CTBP2: variants seen among roughly 807,000 people sequenced by gnomAD.
CTBP2 encodes C-terminal-binding protein 2.
Under a neutral mutation model 80.3 loss-of-function variants are expected in CTBP2, and 30 were observed. That is an observed-to-expected ratio of 0.37 (90% CI 0.28 to 0.51). CTBP2 has a LOEUF of 0.51. Ranked by LOEUF, CTBP2 falls within the 20% of genes least tolerant of loss-of-function variation. CTBP2 has a pLI of 0.93. For synonymous variants in CTBP2, 594 were observed against 587.4 expected (o/e 1.01, Z -0.16); for missense variants, 1,212 against 1,375.3 (o/e 0.88, Z 1.88).
intron 1 of CTBP2, chr10:125,006,043 A>G: frequency 7.3e-7 from 1 of 1,373,354 alleles, no homozygotes. Context: ...TCATCAGTGC[A>G]TGGATCCGTT....
intron 1 of CTBP2, among the ~76,000 whole-genome samples, chr10:125,004,940 C>T (rs1481372760): frequency 6.6e-6 from 1 of 152,226 alleles, no homozygotes; most frequent in East Asian, 1.9e-4. Flanking sequence ...CTCAAGGGCT[C>T]TTAGTAGTCC....
intron 2 of CTBP2, among the ~76,000 whole-genome samples, chr10:125,097,804 A>G (rs1395787289): frequency 6.6e-6 from 1 of 152,132 alleles, no homozygotes; most frequent in East Asian, 1.9e-4. Context: ...GTTGAGGTAC[A>G]AGCAGAAGGC....
At chr10:125,159,958 C>CTT (rs537040538) in intron 1 of CTBP2, 49 of 137,052 alleles carry the variant, frequency 3.6e-4, no homozygotes, top group Admixed American at 1.6e-3. Flanking sequence ...CTCGGGGTTT[C>CTT]TTTTTTTTTT....
At chr10:125,153,457 AAAT>A (rs1860364530) in intron 1 of CTBP2, among the ~76,000 whole-genome samples, 1 of 152,224 alleles carries the variant, frequency 6.6e-6, no homozygotes, top group Non-Finnish European at 1.5e-5. Context: ...TCCATCAGCA[AAAT>A]AATAAACTCA....
chr10:125,029,080 A>G (rs1364616261), upstream of CTBP2, among the ~76,000 whole-genome samples: 7 of 152,248 alleles, frequency 4.6e-5, no homozygotes, highest in Non-Finnish European at 1.0e-4. Flanking sequence ...TTAGGAAGCT[A>G]CAAAGGCTGT....
intron 1 of CTBP2, among the ~76,000 whole-genome samples, chr10:125,141,934 C>G (rs567608005): frequency 1.3e-5 from 2 of 152,302 alleles, no homozygotes; most frequent in South Asian, 4.2e-4. Context: ...CACAGTCCCT[C>G]TGGACCTGGA....
intron 2 of CTBP2, among the ~76,000 whole-genome samples, chr10:125,041,960 T>C (rs1170817169): frequency 9.8e-5 from 14 of 143,410 alleles, no homozygotes; most frequent in Non-Finnish European, 1.8e-4. Context: ...CTCCCATGTC[T>C]GGCTTTTTTG....
At chr10:125,134,734 C>T (rs867725476) in intron 1 of CTBP2, among the ~76,000 whole-genome samples, 6 of 152,118 alleles carry the variant, frequency 3.9e-5, no homozygotes, top group East Asian at 1.9e-4. Context: ...GCCACCTCTG[C>T]GGGTCCTTGG....
At chr10:125,018,238 C>A (rs2134520710) in intron 1 of CTBP2, among the ~76,000 whole-genome samples, 1 of 152,294 alleles carries the variant, frequency 6.6e-6, no homozygotes, top group South Asian at 2.1e-4. Flanking sequence ...AAATGCTCCA[C>A]AATAGGCCAG....
intron 1 of CTBP2, among the ~76,000 whole-genome samples, chr10:125,117,003 A>G (rs1853437188): frequency 6.6e-6 from 1 of 152,192 alleles, no homozygotes; most frequent in Non-Finnish European, 1.5e-5. Context: ...ACAGGCACTC[A>G]GCTGCCCGCC....
chr10:124,999,696 G>A (rs892357397), intron 3 of CTBP2: 1 of 152,254 alleles, frequency 6.6e-6, no homozygotes, highest in Non-Finnish European at 1.5e-5. Context: ...CCCACGAGCT[G>A]GATGCCAGGA....
chr10:124,995,718 C>T (rs1953392204), intron 4 of CTBP2, among the ~76,000 whole-genome samples: 1 of 152,170 alleles, frequency 6.6e-6, no homozygotes, highest in African/African-American at 2.4e-5. Context: ...TATAGCAAGG[C>T]ACGAACCATC....
chr10:125,161,687 A>T (rs1302166667), upstream of CTBP2, among the ~76,000 whole-genome samples: 1 of 152,034 alleles, frequency 6.6e-6, no homozygotes, highest in East Asian at 1.9e-4. Context: ...GCTGTGCCCT[A>T]AAAGAAGCAA....
intron 2 of CTBP2, among the ~76,000 whole-genome samples, chr10:125,043,432 T>A (rs552021489): frequency 4.6e-5 from 7 of 151,558 alleles, no homozygotes; most frequent in Non-Finnish European, 1.0e-4. Flanking sequence ...TTTCTTTTCT[T>A]TTTCTATTTC....
At chr10:125,114,115 CT>C (rs1232159709) in intron 1 of CTBP2, among the ~76,000 whole-genome samples, 1 of 152,196 alleles carries the variant, frequency 6.6e-6, no homozygotes, top group Non-Finnish European at 1.5e-5. Context: ...TCTCTAAGAA[CT>C]TCCAGGAGTA....
At chr10:125,031,774 T>C (rs1399620205), upstream of CTBP2, among the ~76,000 whole-genome samples, 3 of 152,148 alleles carry the variant, frequency 2.0e-5, no homozygotes, top group Non-Finnish European at 4.4e-5. Context: ...GCACACTGAG[T>C]GCTCTCACCA....
chr10:125,154,579 A>G (rs1034397515), intron 1 of CTBP2, among the ~76,000 whole-genome samples: 1 of 152,268 alleles, frequency 6.6e-6, no homozygotes, highest in African/African-American at 2.4e-5. Context: ...ATCACTTTCT[A>G]AAACATTCAC....
At chr10:124,999,315 T>C (rs931564243) in intron 3 of CTBP2, 1 of 150,720 alleles carries the variant, frequency 6.6e-6, no homozygotes, top group Non-Finnish European at 1.5e-5. Flanking sequence ...CCCAAGGCAC[T>C]GGGACAGGGC....
At chr10:125,161,269 C>G (rs1348251173), upstream of CTBP2, 1 of 151,856 alleles carries the variant, frequency 6.6e-6, no homozygotes, top group Non-Finnish European at 1.5e-5. Context: ...CGGCCCCGCC[C>G]GGGAGGCCCT....
Sources: gnomAD v4.1 joint callset for allele counts (sites outside exome capture counted in the v4.1 genomes callset) on GRCh38, gnomAD v4.1.1 for gene constraint, MANE v1.5 for transcripts, NCBI Gene and HGNC (gene_info 2026-07-23, HGNC 2026-07-21) for gene names.